Variants in BNC1 observed in about 807,000 individuals in gnomAD.
BNC1 encodes the protein basonuclin zinc finger protein 1.
In BNC1, 8 loss-of-function variants were observed where a neutral mutation model predicts 66.5. The ratio of observed to expected loss-of-function variants is 0.12; its 90% CI spans 0.07 to 0.22. The LOEUF (loss-of-function observed/expected upper bound fraction) is 0.22, where lower values mean the gene tolerates loss of function less well. Ranked by LOEUF, BNC1 falls within the 10% of genes least tolerant of loss-of-function variation. BNC1 has a pLI of 1.00. For synonymous variants in BNC1, 454 were observed against 452.6 expected (o/e 1.00, Z -0.04); for missense variants, 1,069 against 1,241.3 (o/e 0.86, Z 2.09).
chr15:83,260,014 A>G (rs2038123332), intron 4 of BNC1, among the ~76,000 whole-genome samples: 1 of 152,146 alleles, frequency 6.6e-6, no homozygotes, highest in Admixed American at 6.5e-5. Context: ...TATTTTGATT[A>G]GTTGAGACCA....
In BNC1 at chr15:83,275,883, C is replaced by CTT. The variant is rs112918648; in HGVS notation, c.100-7653_100-7652dup. Among the ~76,000 whole-genome samples, 11 of 146,152 alleles carry CTT rather than the reference C, an allele frequency of 7.5e-5. No homozygotes were observed. The East Asian group carries it at 1.2e-3, about 16-fold the overall frequency. ...AGGAGTCTGGATTTTAACAGTAAGC[C>CTT]TTTTTTTTTTTATGTATGAAATGAA... On this transcript the variant is annotated intron_variant, in intron 1 of 4. Coordinates refer to ENST00000345382, the MANE Select transcript of BNC1 (RefSeq NM_001717.4).
At chr15:83,281,658 G>A (rs954154694) in intron 1 of BNC1, among the ~76,000 whole-genome samples, 25 of 152,222 alleles carry the variant, frequency 1.6e-4, no homozygotes, top group African/African-American at 5.8e-4. Context: ...GCCACATACA[G>A]AAGCTAAAAG....
rs145531941 is a variant in BNC1 at position 83,263,686 on chromosome 15, A to T, written c.1565T>A (p.Leu522His). The T allele has an allele frequency of 8.0e-5, 129 of 1,614,188 alleles. No individual in the cohort carries two copies. The African/African-American group carries it at 1.6e-3, about 20-fold the overall frequency. ...PLLSSSIPEQ[L>H]ISNEMPFDAL... ...ATCAAATGGCATTTCGTTTGAAATG[A>T]GCTGTTCTGGGATTGAAGAGGACAA... The change falls in exon 4 of 5, where the codon CTC (leucine) becomes CAC (histidine). Residue 522 changes from leucine to histidine, a missense_variant. This residue lies in a region of BNC1 where 657 missense variants were observed against 715.8 expected (regional missense o/e 0.92). Transcript: ENST00000345382.
rs531551543 is a variant in BNC1 at position 83,283,964 on chromosome 15, C to T, written c.99+566G>A. The stretch of plus-strand genomic sequence containing the variant: ...GTCCCGCAGTGGACGGGAGCCTCCT[C>T]ACGGCCGCCCGCCCGTCTCCGCAGT... On this transcript the variant is annotated intron_variant, in intron 1 of 4. Coordinates refer to ENST00000345382, the MANE Select transcript of BNC1 (RefSeq NM_001717.4). Among the ~76,000 whole-genome samples, 58 of 152,236 alleles carry T rather than the reference C, an allele frequency of 3.8e-4. 1 individual carries two copies. The South Asian group carries it at 8.1e-3, about 21-fold the overall frequency.
intron 1 of BNC1, among the ~76,000 whole-genome samples, chr15:83,279,142 TAA>T (rs1034949351): frequency 3.9e-5 from 6 of 152,094 alleles, no homozygotes; most frequent in Admixed American, 2.6e-4. Context: ...CCTGGTTTTT[TAA>T]AAAAGAGCCT....
At chr15:83,283,819 G>C (rs1384128226) in intron 1 of BNC1, among the ~76,000 whole-genome samples, 1 of 152,234 alleles carries the variant, frequency 6.6e-6, no homozygotes, top group Non-Finnish European at 1.5e-5. Context: ...GTCAACGCTC[G>C]GTCTGTGTCC....
Position 83,266,890 on chromosome 15 carries a change from G to A in BNC1, c.381C>T (p.Ile127=). Residue 127 remains isoleucine, a synonymous_variant, in exon 3 of 5, where the codon ATC becomes ATT. Transcript: ENST00000345382. ...GAAGTGTCCAGTCCAAGGCATGGAG[G>A]ATCTGGAGAACCTCATCTTGCTTCA... ...SVLKQDEVLQ[I]LHALDWTLQD... The A allele has an allele frequency of 6.2e-7, 1 of 1,614,166 alleles. No individual in the cohort carries two copies. Among genetic ancestry groups the A allele is most frequent in the Middle Eastern group, 1.6e-4 (1 of 6,062 alleles).
At position 83,261,942 on chromosome 15, in the gene BNC1, C is replaced by T. The variant is rs982598253; in HGVS notation, c.2300+1009G>A. ...CATATTATCAAATGAAAATGAGTCA[C>T]GTTTTGGGACGCTATAGTGGCAATT... On this transcript the variant is annotated intron_variant, in intron 4 of 4. Coordinates refer to ENST00000345382, the MANE Select transcript of BNC1 (RefSeq NM_001717.4). 5.9e-5 allele frequency among the ~76,000 whole-genome samples: 9 copies of T among 151,852 alleles called. 1 individual carries two copies. The highest frequency in any genetic ancestry group is 2.1e-4 in the South Asian group (1 of 4,816).
intron 1 of BNC1, among the ~76,000 whole-genome samples, chr15:83,282,851 CAT>C (rs1448104403): frequency 1.3e-5 from 2 of 152,308 alleles, no homozygotes; most frequent in Admixed American, 1.3e-4. Flanking sequence ...TGCAGTAACA[CAT>C]GTTCTCTCTC....
Position 83,264,396 on chromosome 15 carries a change from A to G in BNC1, c.855T>C (p.Pro285=), listed in dbSNP as rs762981023. 8.1e-6 allele frequency: 13 copies of G among 1,614,200 alleles called. No individual in the cohort carries two copies. Among genetic ancestry groups the G allele is most frequent in the African/African-American group, 2.7e-5 (2 of 75,042 alleles). ...DPKQEVHGPF[P]DSSFLTSSST... ...AACTGGAAGTTAAGAAGCTGCTGTC[A>G]GGGAAGGGCCCATGGACTTCCTGTT... Residue 285 remains proline (P), a synonymous_variant, in exon 4 of 5, where the codon CCT becomes CCC. Transcript: ENST00000345382.
At chr15:83,265,922 A>G (rs2038212817) in intron 3 of BNC1, among the ~76,000 whole-genome samples, 1 of 152,202 alleles carries the variant, frequency 6.6e-6, no homozygotes, top group Admixed American at 6.5e-5. Context: ...AGTAAGACTG[A>G]CATCTATGTT....
intron 1 of BNC1, among the ~76,000 whole-genome samples, chr15:83,283,662 C>G (rs1448245450): frequency 6.6e-6 from 1 of 152,206 alleles, no homozygotes; most frequent in Non-Finnish European, 1.5e-5. Context: ...CTCGGAGCGG[C>G]GGACGCGGCT....
At chr15:83,284,486 CG>C in intron 1 of BNC1, 43 bp downstream of exon 1, 1 of 1,162,338 alleles carries the variant, frequency 8.6e-7, no homozygotes. Context: ...CCGCCTGCTC[CG>C]CGCACAGAGA....
At chr15:83,272,713 A>G (rs536640563) in intron 1 of BNC1, among the ~76,000 whole-genome samples, 1 of 152,356 alleles carries the variant, frequency 6.6e-6, no homozygotes, top group African/African-American at 2.4e-5. Context: ...TCTCAGGTTC[A>G]GCACAGCAAA....
Position 83,284,624 on chromosome 15 carries a change from C to T in BNC1, c.5G>A (p.Arg2Gln), listed in dbSNP as rs1258743845. 1.0e-6 allele frequency: 1 copy of T among 996,504 alleles called. No homozygotes were observed. Among genetic ancestry groups the T allele is most frequent in the African/African-American group, 1.8e-5 (1 of 56,924 alleles). 61.7% of individuals were successfully genotyped at this position (996,504 alleles called of 1,614,324 possible). Residue 2 changes from arginine to glutamine, a missense_variant, in exon 1 of 5, where the codon CGG becomes CAG. Physicochemically the swap from Arg to Gln is conservative, Grantham distance 43 (BLOSUM62 1). Transcript: ENST00000345382. ...TCCGCCCCGGCTCGGCGGGCGCCGC[C>T]GCATCCACGCTCCGGCCGTCGGGGC... Reference protein sequence around the residue: MRRRPPSRGGRG... With the variant: MQRRPPSRGGRG...
Position 83,263,089 on chromosome 15 carries a change from T to C in BNC1, c.2162A>G (p.Gln721Arg). ...AAAGGTCTTCTTGCAGATGTCACAC[T>C]GGAAGCGATTTTCTTCTATCTGCCT... ...LARQIEENRF[Q>R]CDICKKTFKN... Residue 721 changes from glutamine to arginine, a missense_variant, in exon 4 of 5, where the codon CAG (glutamine) becomes CGG (arginine). Transcript: ENST00000345382. 1.9e-6 allele frequency: 3 copies of C among 1,614,272 alleles called. No individual in the cohort carries two copies. Among genetic ancestry groups the C allele is most frequent in the Non-Finnish European group, 2.5e-6 (3 of 1,180,044 alleles).
chr15:83,256,449 A>C lies in BNC1; in HGVS notation c.*993T>G, dbSNP rs986522372. 9 of 152,774 alleles carry C rather than the reference A, an allele frequency of 5.9e-5. No homozygotes were observed. The highest frequency in any genetic ancestry group is 1.9e-4 in the African/African-American group (8 of 41,590). The allele number at this position is 152,774 out of a possible 1,614,324, so 9.5% of individuals were successfully genotyped here. A position where few individuals can be genotyped will look rare whatever the true frequency, so the allele number is the denominator to read the frequency against. ...AAGTTCATCCTAATCTTATACGTTT[A>C]TAAAACGGTGAAGACTGAGGGATCC... On this transcript the variant is annotated 3_prime_UTR_variant, in exon 5 of 5. Transcript: ENST00000345382.
intron 1 of BNC1, among the ~76,000 whole-genome samples, chr15:83,279,940 T>C (rs1299075290): frequency 2.0e-5 from 3 of 152,174 alleles, no homozygotes; most frequent in African/African-American, 7.2e-5. Context: ...CAGATATTGA[T>C]TGGGCTGAGT....
At chr15:83,281,948 A>G (rs9630494) in intron 1 of BNC1, among the ~76,000 whole-genome samples, 9,260 of 152,260 alleles carry the variant, frequency 0.061, 561 homozygotes, top group East Asian at 0.35. Flanking sequence ...TAAAACATAA[A>G]ATAGCCCTCC....
Sources: gnomAD v4.1 joint callset for allele counts (sites outside exome capture counted in the v4.1 genomes callset) on GRCh38, gnomAD v4.1.1 for gene constraint, gnomAD v4.1.1 regional missense constraint, MANE v1.5 for transcripts, NCBI Gene and HGNC (gene_info 2026-07-23, HGNC 2026-07-21) for gene names.